Variants in C4orf36 observed in about 807,000 individuals in gnomAD.
C4orf36 encodes chromosome 4 open reading frame 36.
Under a neutral mutation model 12.2 loss-of-function variants are expected in C4orf36, and 11 were observed. That is an observed-to-expected ratio of 0.90 (90% CI 0.57 to 1.49). The LOEUF (loss-of-function observed/expected upper bound fraction) is 1.49, where lower values mean the gene tolerates loss of function less well. Ranked by LOEUF, C4orf36 falls within the 40% of genes most tolerant of loss-of-function variation. The probability of loss-of-function intolerance (pLI) is 0.00; values close to 1 mark genes in which losing one functional copy is unlikely to be tolerated. For synonymous variants in C4orf36, 54 were observed against 51.3 expected, an observed-to-expected ratio of 1.05 and a Z score of -0.22; for missense variants, 137 against 133.9, an observed-to-expected ratio of 1.02 and a Z score of -0.11.
At chr4:86,918,810 CGTGTGTGTGTGT>C in the C4orf36 span, among the ~76,000 whole-genome samples, 6 of 150,134 alleles carry the variant, frequency 4.0e-5, no homozygotes, top group South Asian at 1.3e-3. Context: ...GTTGTGTGTG[CGTGTGTGTGTGT>C]GTGTGTGTGT....
At chr4:86,930,047 T>A in the C4orf36 span, among the ~76,000 whole-genome samples, 1 of 152,216 alleles carries the variant, frequency 6.6e-6, no homozygotes, top group Non-Finnish European at 1.5e-5. Context: ...TGAAACAAAG[T>A]ATTGAGTGCT....
the C4orf36 span, among the ~76,000 whole-genome samples, chr4:86,923,217 G>A: frequency 9.3e-3 from 1,417 of 151,594 alleles, 15 homozygotes; most frequent in Non-Finnish European, 0.016. Flanking sequence ...TCAGCCTCCT[G>A]AGGAGCTGAG....
the C4orf36 span, among the ~76,000 whole-genome samples, chr4:86,905,459 G>A: frequency 6.6e-6 from 1 of 152,152 alleles, no homozygotes; most frequent in Non-Finnish European, 1.5e-5. Flanking sequence ...AGGCTGAGGT[G>A]GGAGGATTGC....
the C4orf36 span, among the ~76,000 whole-genome samples, chr4:86,919,314 C>CT: frequency 8.1e-6 from 1 of 124,138 alleles, no homozygotes; most frequent in Non-Finnish European, 1.6e-5. Context: ...CTTTTTTCCC[C>CT]CTTTTTTTTT....
At chr4:86,877,069 G>A (rs529238199) in intron 4 of C4orf36, among the ~76,000 whole-genome samples, 6 of 152,270 alleles carry the variant, frequency 3.9e-5, no homozygotes, top group Non-Finnish European at 8.8e-5. Context: ...AGTTCAGGCC[G>A]CTCAGTGGGA....
the C4orf36 span, chr4:86,933,076 A>T: frequency 2.0e-5 from 3 of 152,188 alleles, no homozygotes; most frequent in Non-Finnish European, 4.4e-5. Context: ...ATCACTTTTT[A>T]AAATAGCCTT....
intron 1 of C4orf36, chr4:86,891,935 A>G: frequency 1.0e-6 from 1 of 956,050 alleles, no homozygotes; most frequent in Non-Finnish European, 1.3e-6. Flanking sequence ...CTGCCTGCAC[A>G]GGAACCACCC....
chr4:86,898,895 C>T, the C4orf36 span, among the ~76,000 whole-genome samples: 256 of 152,176 alleles, frequency 1.7e-3, 2 homozygotes, highest in East Asian at 0.028. Flanking sequence ...AACAAGAGGC[C>T]GAGTGCTCTG....
chr4:86,926,660 G>A, the C4orf36 span, among the ~76,000 whole-genome samples: 2 of 152,148 alleles, frequency 1.3e-5, no homozygotes, highest in Non-Finnish European at 2.9e-5. Context: ...GTCATTCTCA[G>A]GGTATGCTTA....
chr4:86,908,647 C>G, the C4orf36 span, among the ~76,000 whole-genome samples: 1 of 150,322 alleles, frequency 6.7e-6, no homozygotes, highest in Non-Finnish European at 1.5e-5. Context: ...CAACCTTACT[C>G]TCTCTCTCTC....
Position 86,888,273 on chromosome 4 carries a change from T to C in C4orf36, c.68A>G (p.Gln23Arg), listed in dbSNP as rs115716986. ...AAGCAATGCAATATCCCAAGGTTCC[T>C]GTCTGGGGCAAAAATTCATTAATCC... ...TILRGSCYNV[Q>R]EPWDIALLAK... The change falls in exon 3 of 5, where the codon CAG (glutamine) becomes CGG (arginine). Residue 23 changes from glutamine to arginine, a missense_variant and splice_region_variant. Coordinates refer to ENST00000295898, the MANE Select transcript of C4orf36 (RefSeq NM_144645.4). The C allele has an allele frequency of 2.0e-3, 3,178 of 1,612,544 alleles. 58 individuals are homozygous for C. In the African/African-American group the frequency reaches 0.038, roughly 19 times the overall value.
At chr4:86,904,718 G>A in the C4orf36 span, among the ~76,000 whole-genome samples, 1 of 151,682 alleles carries the variant, frequency 6.6e-6, no homozygotes, top group East Asian at 1.9e-4. Flanking sequence ...GCATAAAAAG[G>A]CCGCATCTCT....
At chr4:86,915,604 A>T in the C4orf36 span, among the ~76,000 whole-genome samples, 1 of 152,106 alleles carries the variant, frequency 6.6e-6, no homozygotes, top group African/African-American at 2.4e-5. Context: ...ATCAACATGG[A>T]GAAAGAAACC....
chr4:86,934,868 T>C, the C4orf36 span: 1 of 152,130 alleles, frequency 6.6e-6, no homozygotes, highest in Non-Finnish European at 1.5e-5. Flanking sequence ...GCGACGTCCC[T>C]TGCCGCTTGG....
chr4:86,928,651 G>A, the C4orf36 span, among the ~76,000 whole-genome samples: 72 of 152,290 alleles, frequency 4.7e-4, no homozygotes, highest in Non-Finnish European at 6.9e-4. Flanking sequence ...GGGCTTCCAC[G>A]TAGTATACAA....
At chr4:86,887,583 T>C in intron 4 of C4orf36, 175 bp downstream of exon 4, 1 of 593,794 alleles carries the variant, frequency 1.7e-6, no homozygotes, top group Non-Finnish European at 2.8e-6. Context: ...AACAAGAGTA[T>C]GTCAGGGACT....
upstream of C4orf36, among the ~76,000 whole-genome samples, chr4:86,893,866 T>A (rs1392303448): frequency 1.4e-3 from 20 of 13,908 alleles, no homozygotes; most frequent in African/African-American, 3.6e-3. Flanking sequence ...GCCTGAATTT[T>A]TATTTATTTA....
chr4:86,905,124 G>C, the C4orf36 span, among the ~76,000 whole-genome samples: 1 of 151,708 alleles, frequency 6.6e-6, no homozygotes, highest in Non-Finnish European at 1.5e-5. Context: ...TGCAATCCCA[G>C]CACTTTGGGA....
the C4orf36 span, among the ~76,000 whole-genome samples, chr4:86,930,838 C>A: frequency 1.3e-5 from 2 of 152,194 alleles, no homozygotes; most frequent in Admixed American, 6.5e-5. Context: ...GTATTCATCA[C>A]AAAATACAGA....
Sources: allele counts gnomAD v4.1 joint callset (sites outside exome capture counted in the v4.1 genomes callset), GRCh38; gene constraint gnomAD v4.1.1; transcripts MANE v1.5; gene names NCBI Gene and HGNC (gene_info 2026-07-23, HGNC 2026-07-21).